MACROD1: variants seen among roughly 807,000 people sequenced by gnomAD.
MACROD1 encodes the protein mono-ADP ribosylhydrolase 1.
MACROD1 carries 31 observed loss-of-function variants against 41.4 expected under a neutral mutation model. The ratio of observed to expected loss-of-function variants is 0.75; its 90% CI spans 0.56 to 1.01. MACROD1 has a LOEUF of 1.01. MACROD1 is among the 50% of genes least tolerant of loss of function. The pLI is 0.00. For synonymous variants in MACROD1, 252 were observed against 203.4 expected (o/e 1.24, Z -2.03); for missense variants, 473 against 460.0 (o/e 1.03, Z -0.26).
chr11:64,016,827 C>T (rs1024488802), intron 3 of MACROD1, among the ~76,000 whole-genome samples: 3 of 152,148 alleles, frequency 2.0e-5, no homozygotes, highest in African/African-American at 7.2e-5. Context: ...GAGCATGAGC[C>T]GAAGCCGGAG....
chr11:64,165,076 A>T (rs1945817201), intron 1 of MACROD1, among the ~76,000 whole-genome samples: 1 of 152,226 alleles, frequency 6.6e-6, no homozygotes, highest in Admixed American at 6.5e-5. Context: ...GCCAGAGGCC[A>T]GCGAGAAGGG....
chr11:64,112,222 A>T (rs1384306732), intron 3 of MACROD1, among the ~76,000 whole-genome samples: 1 of 152,160 alleles, frequency 6.6e-6, no homozygotes, highest in African/African-American at 2.4e-5. Context: ...ACAGACAATA[A>T]AAACAAAAAA....
intron 3 of MACROD1, among the ~76,000 whole-genome samples, chr11:64,041,607 G>A (rs529870045): frequency 6.6e-6 from 1 of 152,014 alleles, no homozygotes; most frequent in Non-Finnish European, 1.5e-5. Flanking sequence ...GGAAAAAGGG[G>A]TGCAGCCAGG....
At chr11:64,006,969 G>A (rs1223631688) in intron 4 of MACROD1, among the ~76,000 whole-genome samples, 4 of 152,202 alleles carry the variant, frequency 2.6e-5, no homozygotes, top group Non-Finnish European at 5.9e-5. Context: ...GGTCAGGCAG[G>A]GGTGGCAGGA....
At chr11:64,116,402 G>A (rs1248631849) in intron 3 of MACROD1, 2 of 1,613,966 alleles carry the variant, frequency 1.2e-6, no homozygotes, top group Admixed American at 1.7e-5. Context: ...TCGCCTTCCT[G>A]ACGGAGGTCA....
In MACROD1 at chr11:64,132,825, A is replaced by T. The variant is rs138043709; in HGVS notation, c.517+18414T>A. Reference sequence around the variant, plus strand: ...TGGTGCCAGGCGCCAGGCATCTGTCACCGAGCTTCATCCTCACGGCAGGGA... The same window carrying T: ...TGGTGCCAGGCGCCAGGCATCTGTCTCCGAGCTTCATCCTCACGGCAGGGA... On this transcript the variant is annotated intron_variant, in intron 3 of 10. Transcript: ENST00000255681. 4.9e-4 allele frequency among the ~76,000 whole-genome samples: 74 copies of T among 152,336 alleles called. 1 individual carries two copies. In the East Asian group the frequency reaches 0.011, roughly 22 times the overall value.
intron 3 of MACROD1, among the ~76,000 whole-genome samples, chr11:64,080,559 G>C (rs1944285076): frequency 6.6e-6 from 1 of 152,152 alleles, no homozygotes; most frequent in African/African-American, 2.4e-5. Context: ...AGGTGGCGAG[G>C]GTTGAACACA....
At chr11:64,083,944 C>T (rs971476880) in intron 3 of MACROD1, among the ~76,000 whole-genome samples, 10 of 152,182 alleles carry the variant, frequency 6.6e-5, no homozygotes, top group African/African-American at 1.9e-4. Context: ...TGCGGCAGCC[C>T]GGCGCTGCTG....
chr11:64,163,973 C>T (rs925471340), intron 1 of MACROD1, among the ~76,000 whole-genome samples: 5 of 152,188 alleles, frequency 3.3e-5, no homozygotes, highest in African/African-American at 4.8e-5. Context: ...AGCTGGATGC[C>T]TCTTCTCAGG....
chr11:64,055,495 C>G (rs1423645917), intron 3 of MACROD1, among the ~76,000 whole-genome samples: 1 of 152,142 alleles, frequency 6.6e-6, no homozygotes, highest in Non-Finnish European at 1.5e-5. Flanking sequence ...CTAAGTGGCT[C>G]CCCTGCCCCA....
At chr11:64,002,385 C>T (rs1344567712) in intron 4 of MACROD1, among the ~76,000 whole-genome samples, 1 of 152,110 alleles carries the variant, frequency 6.6e-6, no homozygotes, top group Non-Finnish European at 1.5e-5. Context: ...GACCTGGGGG[C>T]GCAAGGGAGG....
chr11:64,017,222 C>T lies in MACROD1; in HGVS notation c.518-1941G>A, dbSNP rs150487263. Among the ~76,000 whole-genome samples the T allele has an allele frequency of 1.9e-3, 291 of 152,290 alleles. 3 individuals carry two copies. The East Asian group carries it at 0.036, about 19-fold the overall frequency. On this transcript the variant is annotated intron_variant, in intron 3 of 10. Coordinates refer to ENST00000255681, the MANE Select transcript of MACROD1 (RefSeq NM_014067.4). ...CTGACCTCAAGTGATCCACCCGCCACGGCCTCCCAAAGTGCTGGGATTACA... is the reference window on the plus strand; with the variant it reads ...CTGACCTCAAGTGATCCACCCGCCATGGCCTCCCAAAGTGCTGGGATTACA...
chr11:64,113,015 C>T (rs1944890401), intron 3 of MACROD1, among the ~76,000 whole-genome samples: 1 of 152,182 alleles, frequency 6.6e-6, no homozygotes, highest in South Asian at 2.1e-4. Flanking sequence ...CATGAAAACA[C>T]CAGTCACCAA....
intron 1 of MACROD1, among the ~76,000 whole-genome samples, chr11:64,159,748 T>C (rs1258294754): frequency 5.0e-5 from 7 of 140,350 alleles, no homozygotes; most frequent in Admixed American, 7.0e-5. Context: ...GAGCCGAGAT[T>C]GCGCCACTGC....
intron 3 of MACROD1, among the ~76,000 whole-genome samples, chr11:64,143,942 G>C (rs1358581184): frequency 6.6e-6 from 1 of 152,062 alleles, no homozygotes; most frequent in Non-Finnish European, 1.5e-5. Context: ...TAGTGCAAGA[G>C]AGATTAACTG....
intron 3 of MACROD1, among the ~76,000 whole-genome samples, chr11:64,051,591 C>G (rs1943696475): frequency 6.6e-6 from 1 of 152,222 alleles, no homozygotes; most frequent in African/African-American, 2.4e-5. Flanking sequence ...TGACAGACGG[C>G]CTTGTGCCAC....
intron 3 of MACROD1, among the ~76,000 whole-genome samples, chr11:64,104,668 G>A (rs996526707): frequency 6.6e-6 from 1 of 152,186 alleles, no homozygotes; most frequent in Non-Finnish European, 1.5e-5. Context: ...CTGGCCAGGG[G>A]ACCCAGGGTG....
At chr11:64,053,402 C>T (rs1415325391) in intron 3 of MACROD1, among the ~76,000 whole-genome samples, 7 of 152,344 alleles carry the variant, frequency 4.6e-5, no homozygotes, top group African/African-American at 1.7e-4. Context: ...TCCTGCAGAT[C>T]TGTACTTAGA....
intron 3 of MACROD1, among the ~76,000 whole-genome samples, chr11:64,019,341 G>A (rs571990137): frequency 1.8e-4 from 27 of 152,236 alleles, no homozygotes; most frequent in African/African-American, 6.0e-4. Flanking sequence ...TCCTCTGTCC[G>A]CTGCTGGCGG....
Sources: gnomAD v4.1 joint callset for allele counts (sites outside exome capture counted in the v4.1 genomes callset) on GRCh38, gnomAD v4.1.1 for gene constraint, MANE v1.5 for transcripts, NCBI Gene and HGNC (gene_info 2026-07-23, HGNC 2026-07-21) for gene names.